The following RIN3 variants were observed in gnomAD, a reference collection of about 807,000 sequenced individuals.
RIN3 encodes Ras and Rab interactor 3.
Under a neutral mutation model 76.3 loss-of-function variants are expected in RIN3, and 54 were observed. The ratio of observed to expected loss-of-function variants is 0.71; its 90% confidence interval spans 0.57 to 0.89. The LOEUF (loss-of-function observed/expected upper bound fraction) is 0.89, where lower values mean the gene tolerates loss of function less well. Ranked by LOEUF, RIN3 falls within the 40% of genes least tolerant of loss-of-function variation. The probability of loss-of-function intolerance (pLI) is 0.00; values close to 1 mark genes in which losing one functional copy is unlikely to be tolerated. For missense variants in RIN3, 1,256 were observed against 1,322.1 expected (o/e 0.95, Z 0.78); for synonymous variants, 576 against 564.0 (o/e 1.02, Z -0.30).
chr14:92,649,875 T>TGGGGGGTGCACCTCA (rs1887347490), intron 5 of RIN3, among the ~76,000 whole-genome samples: 1 of 152,150 alleles, frequency 6.6e-6, no homozygotes, highest in African/African-American at 2.4e-5. Context: ...AGGACAGGGC[T>TGGGGGGTGCACCTCA]GGGGGGTGCA....
chr14:92,659,175 T>A lies in RIN3; in HGVS notation c.2041T>A (p.Ser681Thr). 10 of 1,614,040 alleles carry A rather than the reference T, an allele frequency of 6.2e-6. No homozygotes were observed. Among genetic ancestry groups the A allele is most frequent in the Middle Eastern group, 1.7e-4 (1 of 6,060 alleles). ...SEEELEAIVESALYKCVLKPL... is the reference protein window; with the variant it reads ...SEEELEAIVETALYKCVLKPL... ...TTTACCTGCAGAAGCAATTGTAGAG[T>A]CTGCCTTGTACAAATGTGTCCTGAA... Residue 681 changes from serine (S) to threonine (T), a missense_variant, in exon 7 of 10, where the codon TCT becomes ACT. This residue lies in a region of RIN3 where 428 missense variants were observed against 521.2 expected (regional missense o/e 0.82). Transcript: ENST00000216487.
intron 4 of RIN3, among the ~76,000 whole-genome samples, chr14:92,629,363 C>T (rs1886478463): frequency 6.6e-6 from 1 of 152,200 alleles, no homozygotes; most frequent in Admixed American, 6.5e-5. Flanking sequence ...AAGGGGTTTA[C>T]TGAAAATGAA....
intron 3 of RIN3, among the ~76,000 whole-genome samples, chr14:92,604,910 T>C (rs968894740): frequency 1.2e-3 from 5 of 4,302 alleles, no homozygotes; most frequent in African/African-American, 5.3e-3. Context: ...CATTTTCCTC[T>C]TTTTTTTTTT....
intron 4 of RIN3, among the ~76,000 whole-genome samples, chr14:92,620,532 T>C (rs553639352): frequency 3.3e-5 from 5 of 152,226 alleles, no homozygotes; most frequent in Admixed American, 3.3e-4. Flanking sequence ...GAATGAATGA[T>C]GATTTGCTAG....
At chr14:92,537,633 A>ATTTTTTTT (rs1447906758) in intron 1 of RIN3, among the ~76,000 whole-genome samples, 1 of 81,864 alleles carries the variant, frequency 1.2e-5, no homozygotes, top group Non-Finnish European at 2.5e-5. Context: ...TGCCTTAGGG[A>ATTTTTTTT]CTTTTTTTTT....
chr14:92,626,247 T>G (rs1886348510), intron 4 of RIN3, among the ~76,000 whole-genome samples: 1 of 152,180 alleles, frequency 6.6e-6, no homozygotes, highest in Non-Finnish European at 1.5e-5. Flanking sequence ...TGCAGGAACA[T>G]TTTGGCCAGG....
At chr14:92,674,691 C>A (rs1888399613) in intron 7 of RIN3, among the ~76,000 whole-genome samples, 1 of 151,654 alleles carries the variant, frequency 6.6e-6, no homozygotes, top group South Asian at 2.1e-4. Flanking sequence ...GAGTTCAAGA[C>A]CAGCCTGGCC....
chr14:92,563,699 A>G (rs1247386833), intron 2 of RIN3, among the ~76,000 whole-genome samples: 1 of 152,174 alleles, frequency 6.6e-6, no homozygotes, highest in Non-Finnish European at 1.5e-5. Flanking sequence ...GGCCTCAGCC[A>G]TCAGCATGTT....
chr14:92,513,945 G>A lies in RIN3; in HGVS notation c.13G>A (p.Ala5Thr). The change falls in exon 1 of 10, where the codon GCC becomes ACC. Residue 5 changes from alanine (A) to threonine (T), a missense_variant. By Grantham distance (58) the Ala-to-Thr change is moderately conservative (BLOSUM62 0). This residue lies in a region of RIN3 where 610 missense variants were observed against 626.4 expected (regional missense o/e 0.97). Transcript: ENST00000216487. ...AGCTGCCGGCGGCATGATCCGACACGCCGGGGCGCCCGCGCGCGGGGACCC... is the reference window on the plus strand; with the variant it reads ...AGCTGCCGGCGGCATGATCCGACACACCGGGGCGCCCGCGCGCGGGGACCC... MIRH[A>T]GAPARGDPTG... The A allele has an allele frequency of 8.0e-7, 1 of 1,245,650 alleles. No homozygotes were observed. 77.2% of individuals were successfully genotyped at this position (1,245,650 alleles called of 1,614,324 possible).
intron 1 of RIN3, among the ~76,000 whole-genome samples, chr14:92,531,932 C>G (rs1458186543): frequency 7.0e-6 from 1 of 142,714 alleles, no homozygotes; most frequent in African/African-American, 2.5e-5. Context: ...CATCTCTTAT[C>G]TTTTTTTTTT....
At chr14:92,576,093 A>T in intron 2 of RIN3, 1 of 542,470 alleles carries the variant, frequency 1.8e-6, no homozygotes, top group Non-Finnish European at 2.8e-6. Context: ...AGGGGAAGAC[A>T]TGGACCAAGT....
At chr14:92,571,012 T>A (rs1898049814) in intron 2 of RIN3, among the ~76,000 whole-genome samples, 1 of 152,244 alleles carries the variant, frequency 6.6e-6, no homozygotes, top group African/African-American at 2.4e-5. Context: ...GTAACCTAAC[T>A]GGAGGTGTAA....
chr14:92,570,273 G>A (rs147619345), intron 2 of RIN3, among the ~76,000 whole-genome samples: 2 of 152,166 alleles, frequency 1.3e-5, no homozygotes, highest in Non-Finnish European at 2.9e-5. Flanking sequence ...TCCACGTCCT[G>A]CTCAGCAGGA....
intron 1 of RIN3, among the ~76,000 whole-genome samples, chr14:92,547,114 T>G (rs1475597416): frequency 1.1e-5 from 1 of 92,202 alleles, no homozygotes; most frequent in African/African-American, 4.1e-5. Flanking sequence ...TAAATTATCT[T>G]TATTTTATTA....
intron 2 of RIN3, among the ~76,000 whole-genome samples, chr14:92,562,444 A>T (rs976117472): frequency 6.6e-6 from 1 of 152,204 alleles, no homozygotes; most frequent in African/African-American, 2.4e-5. Flanking sequence ...TTGATTTGGT[A>T]TCTAATAAAT....
chr14:92,655,356 A>AAGAGACAG (rs900539392), intron 6 of RIN3, among the ~76,000 whole-genome samples: 3 of 152,086 alleles, frequency 2.0e-5, no homozygotes, highest in Admixed American at 2.0e-4. Flanking sequence ...TCAAGAAGGA[A>AAGAGACAG]AGAGACAGAG....
intron 2 of RIN3, among the ~76,000 whole-genome samples, chr14:92,557,312 G>GC (rs1897619005): frequency 1.2e-4 from 18 of 152,216 alleles, no homozygotes; most frequent in African/African-American, 4.3e-4. Context: ...GGGACACAGT[G>GC]AGTAAATAGC....
intron 1 of RIN3, among the ~76,000 whole-genome samples, chr14:92,548,276 C>A (rs1184321251): frequency 6.6e-6 from 1 of 151,998 alleles, no homozygotes; most frequent in Non-Finnish European, 1.5e-5. Flanking sequence ...TGGTTAGAAG[C>A]GTAGACTCTG....
chr14:92,582,260 G>A (rs1265173652), intron 3 of RIN3, among the ~76,000 whole-genome samples: 2 of 152,098 alleles, frequency 1.3e-5, no homozygotes, highest in East Asian at 1.9e-4. Context: ...CCGTGTGGCC[G>A]AATCTCACTT....
Sources: gnomAD v4.1 joint callset for allele counts (sites outside exome capture counted in the v4.1 genomes callset) on GRCh38, gnomAD v4.1.1 for gene constraint, gnomAD v4.1.1 regional missense constraint, MANE v1.5 for transcripts, NCBI Gene and HGNC (gene_info 2026-07-23, HGNC 2026-07-21) for gene names.